Variants in POLR3G observed in about 807,000 individuals in gnomAD.
POLR3G encodes RNA polymerase III subunit G.
Under a neutral mutation model 30.1 loss-of-function variants are expected in POLR3G, and 28 were observed. That is an observed-to-expected ratio of 0.93 (90% confidence interval 0.69 to 1.27). The LOEUF is 1.27. Ranked by LOEUF, POLR3G falls within the 50% of genes most tolerant of loss-of-function variation. The pLI is 0.00. For missense variants in POLR3G, 254 were observed against 264.6 expected (o/e 0.96, Z 0.28); for synonymous variants, 79 against 82.5 (o/e 0.96, Z 0.23).
intron 7 of POLR3G, 47 bp from the exon 8 acceptor site, chr5:90,512,006 T>C: frequency 8.1e-7 from 1 of 1,238,770 alleles, no homozygotes; most frequent in Non-Finnish European, 1.2e-6. Flanking sequence ...ATTTTCTTAC[T>C]ACTCATTCAT....
chr5:90,500,726 A>G (rs1039051776), intron 5 of POLR3G, among the ~76,000 whole-genome samples: 5 of 152,162 alleles, frequency 3.3e-5, no homozygotes, highest in Non-Finnish European at 5.9e-5. Context: ...AGTATAACAC[A>G]GTAAATTGTA....
intron 4 of POLR3G, 89 bp from the exon 5 acceptor site, chr5:90,497,567 G>A (rs1371538196): frequency 2.1e-6 from 3 of 1,433,918 alleles, no homozygotes; most frequent in Non-Finnish European, 2.8e-6. Flanking sequence ...TCATTTTCTG[G>A]ACAACTGTTG....
intron 3 of POLR3G, chr5:90,490,745 C>T (rs372068040): frequency 5.8e-5 from 15 of 256,672 alleles, no homozygotes; most frequent in South Asian, 5.2e-4. Flanking sequence ...AAAAAACACA[C>T]GCATGTTAAA....
At chr5:90,506,772 G>A (rs1752505443) in intron 7 of POLR3G, 98 bp downstream of exon 7, 1 of 1,388,548 alleles carries the variant, frequency 7.2e-7, no homozygotes, top group African/African-American at 1.5e-5. Flanking sequence ...CAGAAACCAA[G>A]ATGATGGGAA....
At chr5:90,482,618 C>T (rs1044963065) in intron 1 of POLR3G, among the ~76,000 whole-genome samples, 2 of 152,192 alleles carry the variant, frequency 1.3e-5, no homozygotes, top group African/African-American at 4.8e-5. Context: ...TTCTGACCCT[C>T]CCTAAACCAC....
intron 7 of POLR3G, among the ~76,000 whole-genome samples, chr5:90,508,190 A>G (rs1163991020): frequency 6.6e-6 from 1 of 152,034 alleles, no homozygotes; most frequent in Non-Finnish European, 1.5e-5. Flanking sequence ...CTTTCTTCTT[A>G]TTTCCCTTTG....
At chr5:90,478,586 T>TTTTTTTTTTTTTTTTTTGTG (rs70999487) in intron 1 of POLR3G, among the ~76,000 whole-genome samples, 1 of 146,924 alleles carries the variant, frequency 6.8e-6, no homozygotes, top group African/African-American at 2.5e-5. Context: ...TTTTTTTTTT[T>TTTTTTTTTTTTTTTTTTGTG]GAGAGGGAGC....
In POLR3G at chr5:90,485,661, T is replaced by C; in HGVS notation, c.94T>C (p.Leu32=). ...SKGEKLPDVV[L]KPPPLFPDTD... The stretch of plus-strand genomic sequence containing the variant: ...AGGTGAAAAGTTACCTGATGTAGTG[T>C]TGAAACCACCCCCACTATTTCCTGT... Residue 32 remains leucine, a synonymous_variant, in exon 2 of 8, where the codon TTG becomes CTG. Transcript: ENST00000651687. 3 of 1,613,434 alleles carry C rather than the reference T, an allele frequency of 1.9e-6. No homozygotes were observed. Among genetic ancestry groups the C allele is most frequent in the Non-Finnish European group, 2.5e-6 (3 of 1,179,482 alleles).
intron 3 of POLR3G, 32 bp from the exon 4 acceptor site, chr5:90,495,645 C>G (rs908798873): frequency 6.3e-7 from 1 of 1,595,682 alleles, no homozygotes; most frequent in Admixed American, 1.7e-5. Context: ...TGTTGATTTT[C>G]CTAATGAGTT....
chr5:90,479,734 G>A (rs1751031701), intron 1 of POLR3G, among the ~76,000 whole-genome samples: 1 of 152,124 alleles, frequency 6.6e-6, no homozygotes, highest in Non-Finnish European at 1.5e-5. Flanking sequence ...AGTCAGGGAG[G>A]CAGAGGGAGT....
At chr5:90,495,581 A>G in intron 3 of POLR3G, 96 bp from the exon 4 acceptor site, 1 of 1,494,200 alleles carries the variant, frequency 6.7e-7, no homozygotes, top group Non-Finnish European at 8.9e-7. Flanking sequence ...AAAATTAAAA[A>G]TGTTGTCTGT....
Position 90,481,990 on chromosome 5 carries a change from G to A in POLR3G, c.-43-3535G>A, listed in dbSNP as rs571747665. On this transcript the variant is annotated intron_variant, in intron 1 of 7. Coordinates refer to ENST00000651687, the MANE Select transcript of POLR3G (RefSeq NM_006467.3). ...TTTGAAGCTGAGTAGTGGGTATATG[G>A]AGATTTAATATACTGACTTTTGTGC... is the stretch of plus-strand genomic sequence containing the variant. Among the ~76,000 whole-genome samples, 8 of 152,244 alleles carry A rather than the reference G, an allele frequency of 5.3e-5. No individual in the cohort carries two copies. In the South Asian group the frequency reaches 1.7e-3, roughly 32 times the overall value.
At chr5:90,498,629 T>C (rs2151910750) in intron 5 of POLR3G, among the ~76,000 whole-genome samples, 1 of 152,368 alleles carries the variant, frequency 6.6e-6, no homozygotes, top group South Asian at 2.1e-4. Context: ...CCTTTTCATT[T>C]GCATAACTGC....
At chr5:90,507,288 T>C (rs976511914) in intron 7 of POLR3G, among the ~76,000 whole-genome samples, 5 of 152,298 alleles carry the variant, frequency 3.3e-5, no homozygotes, top group Non-Finnish European at 7.4e-5. Context: ...TAACCCTAGG[T>C]GGAGAGTTTC....
chr5:90,507,404 T>C (rs997220692), intron 7 of POLR3G, among the ~76,000 whole-genome samples: 1 of 152,222 alleles, frequency 6.6e-6, no homozygotes, highest in Non-Finnish European at 1.5e-5. Flanking sequence ...TTTACTATAA[T>C]TATTTTGCAT....
At chr5:90,474,448 TAGG>T (rs1476262796), upstream of POLR3G, 3 of 678,826 alleles carry the variant, frequency 4.4e-6, no homozygotes, top group Admixed American at 2.8e-5. Flanking sequence ...GGGGTCGGAA[TAGG>T]AGGAGGAAGG....
chr5:90,506,060 C>A (rs1400564809), intron 6 of POLR3G, among the ~76,000 whole-genome samples: 1 of 151,870 alleles, frequency 6.6e-6, no homozygotes, highest in African/African-American at 2.4e-5. Flanking sequence ...CATGGAGAAA[C>A]CCTGTCTCTA....
intron 7 of POLR3G, among the ~76,000 whole-genome samples, chr5:90,508,752 T>C (rs1421830144): frequency 6.6e-6 from 1 of 152,188 alleles, no homozygotes; most frequent in Non-Finnish European, 1.5e-5. Flanking sequence ...TTAACACTTC[T>C]GACAGCTCTA....
intron 3 of POLR3G, among the ~76,000 whole-genome samples, chr5:90,494,996 G>A (rs867908415): frequency 6.6e-6 from 1 of 151,996 alleles, no homozygotes; most frequent in Admixed American, 6.6e-5. Flanking sequence ...TGCTGACTTC[G>A]TTTTATAGAT....
Sources: gnomAD v4.1 joint callset for allele counts (sites outside exome capture counted in the v4.1 genomes callset) on GRCh38, gnomAD v4.1.1 for gene constraint, MANE v1.5 for transcripts, NCBI Gene and HGNC (gene_info 2026-07-23, HGNC 2026-07-21) for gene names.